The following RPA3 variants were observed in gnomAD, a reference collection of about 807,000 sequenced individuals.
RPA3 encodes replication protein A3, also known as replication protein A 14 kDa subunit.
A neutral mutation model predicts 13.7 loss-of-function variants in RPA3; 24 were observed. The ratio of observed to expected loss-of-function variants is 1.75; its 90% CI spans 1.27 to 2.46. The LOEUF (loss-of-function observed/expected upper bound fraction) is 2.46. Ranked by LOEUF, RPA3 falls within the 30% of genes most tolerant of loss-of-function variation. RPA3 has a pLI of 0.00. For missense variants in RPA3, 183 were observed against 151.0 expected, an observed-to-expected ratio of 1.21 and a Z score of -1.11; for synonymous variants, 59 against 51.2, an observed-to-expected ratio of 1.15 and a Z score of -0.65.
At chr7:7,716,063 AT>A (rs888017312) in intron 1 of RPA3, among the ~76,000 whole-genome samples, 1 of 152,070 alleles carries the variant, frequency 6.6e-6, no homozygotes. Context: ...TACAGTTAAA[AT>A]TTTTTTTGAA....
chr7:7,659,665 A>T (rs550997389), intron 4 of RPA3, among the ~76,000 whole-genome samples: 1 of 152,186 alleles, frequency 6.6e-6, no homozygotes, highest in Non-Finnish European at 1.5e-5. Context: ...CTGTGGTCTG[A>T]GAGACTGTTA....
chr7:7,657,443 T>A (rs913073057), intron 4 of RPA3, among the ~76,000 whole-genome samples: 5 of 152,260 alleles, frequency 3.3e-5, no homozygotes, highest in African/African-American at 1.2e-4. Context: ...TTTATGATTT[T>A]ACGTCTTACG....
At chr7:7,670,108 C>G (rs1779569116) in intron 4 of RPA3, among the ~76,000 whole-genome samples, 1 of 152,136 alleles carries the variant, frequency 6.6e-6, no homozygotes, top group Non-Finnish European at 1.5e-5. Context: ...AAATTCCATA[C>G]ACAATACTTG....
chr7:7,712,437 TTTATTC>T (rs1345494820), intron 2 of RPA3, among the ~76,000 whole-genome samples: 7 of 152,178 alleles, frequency 4.6e-5, no homozygotes, highest in African/African-American at 1.7e-4. Context: ...TTTTGTCAGA[TTTATTC>T]TTAGAGTGCT....
chr7:7,656,811 A>G (rs957888713), intron 4 of RPA3, among the ~76,000 whole-genome samples: 1 of 152,194 alleles, frequency 6.6e-6, no homozygotes, highest in Non-Finnish European at 1.5e-5. Context: ...ATGATTTATA[A>G]TCCTTTGGGT....
intron 2 of RPA3, among the ~76,000 whole-genome samples, chr7:7,709,246 G>T (rs1780687722): frequency 6.6e-6 from 1 of 152,060 alleles, no homozygotes; most frequent in Non-Finnish European, 1.5e-5. Context: ...GTTATGCATG[G>T]GGTTACTTTT....
intron 6 of RPA3, 72 bp from the exon 7 acceptor site, chr7:7,638,044 A>G (rs1784894799): frequency 1.8e-6 from 2 of 1,116,210 alleles, no homozygotes; most frequent in Non-Finnish European, 2.7e-6. Flanking sequence ...GAAAACTGTT[A>G]TACAGGTTAC....
intron 2 of RPA3, among the ~76,000 whole-genome samples, chr7:7,692,962 TTA>T: frequency 6.6e-6 from 1 of 152,190 alleles, no homozygotes. Context: ...TATGTATATT[TTA>T]TGTGTCTAAA....
chr7:7,652,421 C>T (rs1169991810), intron 4 of RPA3, among the ~76,000 whole-genome samples: 1 of 152,176 alleles, frequency 6.6e-6, no homozygotes, highest in African/African-American at 2.4e-5. Context: ...TGTTGTAAAA[C>T]AGCTGGCTGT....
rs545151343 is a variant in RPA3 at position 7,718,456 on chromosome 7, C to T, written c.-1080+59G>A. 4 of 152,070 alleles carry T rather than the reference C, an allele frequency of 2.6e-5. No individual in the cohort carries two copies. The South Asian group carries it at 8.3e-4, about 32-fold the overall frequency. 9.4% of individuals were successfully genotyped at this position (152,070 alleles called of 1,614,324 possible). ...GACTATGTGTGTCTTCAAAATAATACCTTTAAGTTATTTTGAAGGAAAAAA... is the reference window on the plus strand; with the variant it reads ...GACTATGTGTGTCTTCAAAATAATATCTTTAAGTTATTTTGAAGGAAAAAA... On this transcript the variant is annotated intron_variant, in intron 1 of 7. Transcript: ENST00000223129.
At chr7:7,651,317 C>T (rs955963189) in intron 4 of RPA3, among the ~76,000 whole-genome samples, 2 of 152,074 alleles carry the variant, frequency 1.3e-5, no homozygotes, top group African/African-American at 4.8e-5. Flanking sequence ...CAAGGGTGGG[C>T]TTGGCTTGTC....
chr7:7,656,321 T>G (rs917490986), intron 4 of RPA3, among the ~76,000 whole-genome samples: 19 of 152,300 alleles, frequency 1.2e-4, no homozygotes, highest in African/African-American at 4.6e-4. Flanking sequence ...AAAATTTTTT[T>G]TTTGTTTTAT....
chr7:7,681,119 T>G (rs924518292), intron 4 of RPA3, among the ~76,000 whole-genome samples: 5 of 152,188 alleles, frequency 3.3e-5, no homozygotes, highest in Non-Finnish European at 7.4e-5. Context: ...AGCAACAACT[T>G]TTTATCAATA....
chr7:7,674,993 TG>T (rs1226801019), intron 4 of RPA3, among the ~76,000 whole-genome samples: 5 of 152,178 alleles, frequency 3.3e-5, no homozygotes, highest in Non-Finnish European at 7.4e-5. Context: ...TTTTTTCTGT[TG>T]TTTTTATTAT....
At chr7:7,658,810 C>T (rs1785405894) in intron 4 of RPA3, among the ~76,000 whole-genome samples, 1 of 152,118 alleles carries the variant, frequency 6.6e-6, no homozygotes, top group Non-Finnish European at 1.5e-5. Context: ...CGGGATGATG[C>T]TGGCCTCATA....
intron 2 of RPA3, among the ~76,000 whole-genome samples, chr7:7,695,254 A>G (rs1780281666): frequency 6.6e-6 from 1 of 152,160 alleles, no homozygotes; most frequent in African/African-American, 2.4e-5. Flanking sequence ...CCGTGCAATA[A>G]TTTGTTTACT....
Position 7,636,537 on chromosome 7 carries a change from T to C in RPA3, c.*463A>G, listed in dbSNP as rs1784870524. 6.4e-6 allele frequency: 1 copy of C among 155,042 alleles called. No homozygotes were observed. Among genetic ancestry groups the C allele is most frequent in the Admixed American group, 6.5e-5 (1 of 15,344 alleles). The allele number at this position is 155,042 out of a possible 1,614,324, so 9.6% of individuals were successfully genotyped here. ...CTTTTTAATGTCATCTACTTCATTT[T>C]GTAAGTAGGGTATCAAGGAAATAAT... On this transcript the variant is annotated 3_prime_UTR_variant, in exon 8 of 8. Coordinates refer to ENST00000223129, the MANE Select transcript of RPA3 (RefSeq NM_002947.5).
At chr7:7,643,735 GAAAA>G (rs869238725) in intron 4 of RPA3, among the ~76,000 whole-genome samples, 1 of 5,770 alleles carries the variant, frequency 1.7e-4, no homozygotes, top group Admixed American at 1.8e-3. Context: ...ACAAACAAAC[GAAAA>G]AAAAAGGATC....
chr7:7,677,251 A>C (rs1001873287), intron 4 of RPA3, among the ~76,000 whole-genome samples: 2 of 152,166 alleles, frequency 1.3e-5, no homozygotes, highest in African/African-American at 4.8e-5. Context: ...TGTTAGCAAC[A>C]TTCAATTTCC....
Sources: allele counts gnomAD v4.1 joint callset (sites outside exome capture counted in the v4.1 genomes callset), GRCh38; gene constraint gnomAD v4.1.1; transcripts MANE v1.5; gene names NCBI Gene and HGNC (gene_info 2026-07-23, HGNC 2026-07-21).